Variants in MYO7B observed in about 807,000 individuals in gnomAD.
The protein encoded by MYO7B is unconventional myosin-VIIb.
MYO7B carries 212 observed loss-of-function variants against 259.7 expected under a neutral mutation model. That is an observed-to-expected ratio of 0.82 (90% CI 0.73 to 0.91). MYO7B has a LOEUF of 0.91. MYO7B is among the 40% of genes least tolerant of loss of function. MYO7B has a pLI of 0.00. For synonymous variants in MYO7B, 1,197 were observed against 1,166.4 expected (o/e 1.03, Z -0.54); for missense variants, 2,732 against 2,813.5 (o/e 0.97, Z 0.66).
chr2:127,603,807 T>G (rs1680053714), intron 19 of MYO7B, among the ~76,000 whole-genome samples: 1 of 152,222 alleles, frequency 6.6e-6, no homozygotes, highest in Non-Finnish European at 1.5e-5. Context: ...CCTAGTGGCG[T>G]CTTCTTCCAA....
intron 4 of MYO7B, 110 bp from the exon 5 acceptor site, chr2:127,566,533 A>T: frequency 1.1e-6 from 1 of 934,558 alleles, no homozygotes; most frequent in Non-Finnish European, 1.5e-6. Flanking sequence ...CACCAAAGTC[A>T]GTGGCCCTGA....
At position 127,592,804 on chromosome 2, in the gene MYO7B, G is replaced by A. The variant is rs936305918; in HGVS notation, c.2003G>A (p.Arg668Gln). 4.3e-6 allele frequency: 7 copies of A among 1,610,170 alleles called. No homozygotes were observed. The highest frequency in any genetic ancestry group is 2.2e-5 in the East Asian group (1 of 44,736). The stretch of plus-strand genomic sequence containing the variant: ...GGTGTCCGCCCACAGCTGTTCGACC[G>A]GGAGCTGTGCCTGCGGCAGCTGCGA... Reference protein sequence around the residue: ...NEYKKPLLFDRELCLRQLRYS... With the variant: ...NEYKKPLLFDQELCLRQLRYS... The change falls in exon 17 of 48, where the codon CGG becomes CAG. Residue 668 changes from arginine (R) to glutamine (Q), a missense_variant. Transcript: ENST00000409816.
chr2:127,616,223 C>T (rs920225448), intron 26 of MYO7B, among the ~76,000 whole-genome samples: 1 of 151,976 alleles, frequency 6.6e-6, no homozygotes, highest in Non-Finnish European at 1.5e-5. Flanking sequence ...CCTGCAATAA[C>T]AATAAAAAAA....
chr2:127,624,069 C>G, intron 29 of MYO7B, 24 bp from the exon 30 acceptor site: 2 of 1,539,754 alleles, frequency 1.3e-6, no homozygotes, highest in Non-Finnish European at 1.8e-6. Flanking sequence ...GCCGCTAACC[C>G]CTGCTCCCCG....
At chr2:127,620,775 A>T (rs1680806405) in intron 27 of MYO7B, among the ~76,000 whole-genome samples, 1 of 152,214 alleles carries the variant, frequency 6.6e-6, no homozygotes, top group Admixed American at 6.5e-5. Flanking sequence ...TTGAAAAGAC[A>T]GGTGTCCAGG....
intron 1 of MYO7B, among the ~76,000 whole-genome samples, chr2:127,553,487 T>A (rs1897168): frequency 2.0e-5 from 3 of 152,038 alleles, no homozygotes; most frequent in African/African-American, 7.3e-5. Context: ...CTTGGTTAGG[T>A]ATATGCTTAA....
At position 127,627,879 on chromosome 2, in the gene MYO7B, G is replaced by T. The variant is rs1019957174; in HGVS notation, c.4461-493G>T. ...CAACAGAGTGGCACATGCATCTCTG[G>T]GCTGTGCCAGGTGTACAGTGGCCAC... On this transcript the variant is annotated intron_variant, in intron 33 of 47. Transcript: ENST00000409816. The surrounding 1 kb of genome is among the most constrained non-coding windows in gnomAD (Gnocchi z 5.6). 9 of 458,488 alleles carry T rather than the reference G, an allele frequency of 2.0e-5. No homozygotes were observed. The highest frequency in any genetic ancestry group is 4.0e-5 in the African/African-American group (2 of 50,150). 28.4% of individuals were successfully genotyped at this position (458,488 alleles called of 1,614,324 possible).
chr2:127,617,763 A>G (rs1680634458), intron 26 of MYO7B, among the ~76,000 whole-genome samples: 1 of 150,496 alleles, frequency 6.6e-6, no homozygotes, highest in South Asian at 2.1e-4. Flanking sequence ...CGGCCTCCCA[A>G]AGTGCTGGGA....
intron 1 of MYO7B, among the ~76,000 whole-genome samples, chr2:127,541,939 G>C (rs1055514538): frequency 6.6e-6 from 1 of 152,230 alleles, no homozygotes; most frequent in African/African-American, 2.4e-5. Flanking sequence ...TAGCCAAATT[G>C]TGTCATGTTG....
chr2:127,619,306 G>A (rs1420520170), intron 26 of MYO7B, among the ~76,000 whole-genome samples: 1 of 116,274 alleles, frequency 8.6e-6, no homozygotes, highest in Non-Finnish European at 1.8e-5. Context: ...TGGTTGGGTT[G>A]TGGGGGCTGG....
rs748840608 is a variant in MYO7B at position 127,559,730 on chromosome 2, G to A, written c.8G>A (p.Gly3Glu). The A allele has an allele frequency of 7.4e-6, 12 of 1,613,954 alleles. No homozygotes were observed. The highest frequency in any genetic ancestry group is 5.5e-5 in the South Asian group (5 of 91,082). The change falls in exon 2 of 48, where the codon GGG (glycine) becomes GAG (glutamate). Residue 3 changes from glycine (G) to glutamate (E), a missense_variant. Gly to Glu is a moderately conservative substitution (Grantham distance 98). This residue lies in a region of MYO7B where 1,906 missense variants were observed against 2,026.4 expected (regional missense o/e 0.94). Coordinates refer to ENST00000409816, the MANE Select transcript of MYO7B (RefSeq NM_001393586.1). This position sits in a 1 kb window ranked among gnomAD's most constrained non-coding sequence, Gnocchi z 4.1. ...TGGAACTGCTGACTCAGGATGTCGG[G>A]GTTCAGGCTGGTAAGAATTGTATGA... The part of the protein sequence containing the change: MS[G>E]FRLGDHVWLE...
Position 127,576,357 on chromosome 2 carries a change from C to T in MYO7B, c.736-238C>T, listed in dbSNP as rs147843439. On this transcript the variant is annotated intron_variant, in intron 7 of 47. Coordinates refer to ENST00000409816, the MANE Select transcript of MYO7B (RefSeq NM_001393586.1). This position sits in a 1 kb window ranked among gnomAD's most constrained non-coding sequence, Gnocchi z 4.9. ...TTTGGGCACAGCAGTGTCAGGGCTT[C>T]GAGGAGCAGTCAAGATGCAGGGAAA... 6.6e-6 allele frequency among the ~76,000 whole-genome samples: 1 copy of T among 152,258 alleles called. No individual in the cohort carries two copies. Among genetic ancestry groups the T allele is most frequent in the Non-Finnish European group, 1.5e-5 (1 of 68,008 alleles).
rs570984988 is a variant in MYO7B at position 127,565,189 on chromosome 2, G to T, written c.133-44G>T. The T allele has an allele frequency of 5.0e-6, 8 of 1,588,518 alleles. 1 individual carries two copies. The South Asian group carries it at 6.7e-5, about 13-fold the overall frequency. ...GGAGGGTGTGGCAGGCTGGCCATGG[G>T]GATGGAGGCCACCCCTCAGGGGAGT... On this transcript the variant is annotated intron_variant, in intron 3 of 47. Coordinates refer to ENST00000409816, the MANE Select transcript of MYO7B (RefSeq NM_001393586.1).
rs780054793 is a variant in MYO7B, at chr2:127,628,025, G to A, written c.4461-347G>A. 1.6e-4 allele frequency: 79 copies of A among 505,948 alleles called. No homozygotes were observed. Among genetic ancestry groups the A allele is most frequent in the Non-Finnish European group, 2.8e-4 (72 of 259,664 alleles). 31.3% of individuals were successfully genotyped at this position (505,948 alleles called of 1,614,324 possible). A position where few individuals can be genotyped will look rare whatever the true frequency, so the allele number is the denominator to read the frequency against. On this transcript the variant is annotated intron_variant, in intron 33 of 47. Transcript: ENST00000409816. The surrounding 1 kb of genome is among the most constrained non-coding windows in gnomAD (Gnocchi z 4.8). ...GCGGATGAGTAAACTGAAGCACGCCGAGGTTAGGTGGCTCAGAGTAAGCAC... is the reference window on the plus strand; with the variant it reads ...GCGGATGAGTAAACTGAAGCACGCCAAGGTTAGGTGGCTCAGAGTAAGCAC...
chr2:127,626,859 A>G (rs1307732875), intron 31 of MYO7B, 116 bp from the exon 32 acceptor site: 3 of 939,202 alleles, frequency 3.2e-6, no homozygotes, highest in Non-Finnish European at 4.9e-6. Flanking sequence ...ATCTCCAGAC[A>G]CTGGCCTTGT....
chr2:127,590,846 G>T lies in MYO7B; in HGVS notation c.1992+617G>T, dbSNP rs1450068848. On this transcript the variant is annotated intron_variant, in intron 16 of 47. Transcript: ENST00000409816. This position sits in a 1 kb window ranked among gnomAD's most constrained non-coding sequence, Gnocchi z 4.6. ...ATAAAATGGTTTTATCCCCATAAGG[G>T]AATAAAAATATTACATGAAATTAAA... is the stretch of plus-strand genomic sequence containing the variant. 6.6e-6 allele frequency among the ~76,000 whole-genome samples: 1 copy of T among 152,184 alleles called. No individual in the cohort carries two copies. Among genetic ancestry groups the T allele is most frequent in the African/African-American group, 2.4e-5 (1 of 41,436 alleles).
At chr2:127,580,268 G>C (rs1186306193) in intron 9 of MYO7B, among the ~76,000 whole-genome samples, 2 of 152,324 alleles carry the variant, frequency 1.3e-5, no homozygotes, top group African/African-American at 4.8e-5. Flanking sequence ...TGGAAGCTGG[G>C]AGGCCAGTCA....
At position 127,630,918 on chromosome 2, in the gene MYO7B, A is replaced by G. The variant is rs757649571; in HGVS notation, c.4937+10A>G. On this transcript the variant is annotated intron_variant, in intron 36 of 47. Coordinates refer to ENST00000409816, the MANE Select transcript of MYO7B (RefSeq NM_001393586.1). The stretch of plus-strand genomic sequence containing the variant: ...CCTATGAGTTCTTCAGGTGCCCCCC[A>G]GCCCCGCTCCGCCTCATTGCACCCC... 1 of 1,554,694 alleles carries G rather than the reference A, an allele frequency of 6.4e-7. No homozygotes were observed. The highest frequency in any genetic ancestry group is 8.7e-7 in the Non-Finnish European group (1 of 1,148,624).
Position 127,631,929 on chromosome 2 carries a change from G to A in MYO7B, c.5249+176G>A, listed in dbSNP as rs186719086. 2.8e-3 allele frequency among the ~76,000 whole-genome samples: 431 copies of A among 152,346 alleles called. 2 individuals carry two copies. Among genetic ancestry groups the A allele is most frequent in the Admixed American group, 5.5e-3 (84 of 15,306 alleles). ...TTGGTCTGCTCTGCTGATGTCCTAG[G>A]GGTGGTCAGAGCAGGAGAGGATGGC... is the stretch of plus-strand genomic sequence containing the variant. On this transcript the variant is annotated intron_variant, in intron 38 of 47. Transcript: ENST00000409816.
Sources: allele counts gnomAD v4.1 joint callset (sites outside exome capture counted in the v4.1 genomes callset), GRCh38; gene constraint gnomAD v4.1.1; regional missense constraint gnomAD v4.1.1; non-coding constraint Gnocchi (gnomAD v3.1); transcripts MANE v1.5; gene names NCBI Gene and HGNC (gene_info 2026-07-23, HGNC 2026-07-21).